RCL1: variants seen among roughly 807,000 people sequenced by gnomAD.
The protein encoded by RCL1 is RNA 3'-terminal phosphate cyclase-like protein.
RCL1 carries 24 observed loss-of-function variants against 42.4 expected under a neutral mutation model. That is an observed-to-expected ratio of 0.57 (90% CI 0.41 to 0.80). RCL1 has a LOEUF of 0.80. RCL1 is among the 30% of genes least tolerant of loss of function. The pLI is 0.00. For synonymous variants in RCL1, 228 were observed against 177.3 expected (o/e 1.29, Z -2.27); for missense variants, 578 against 467.9 (o/e 1.24, Z -2.17).
Position 4,806,341 on chromosome 9 carries a change from G to A in RCL1, c.136+13114G>A, listed in dbSNP as rs570804405. Among the ~76,000 whole-genome samples the A allele has an allele frequency of 6.6e-5, 10 of 152,142 alleles. No individual in the cohort carries two copies. The East Asian group carries it at 1.5e-3, about 24-fold the overall frequency. On this transcript the variant is annotated intron_variant, in intron 1 of 8. Transcript: ENST00000381750. ...TCTTAGGGGGAAAGCATCCCCCTAA[G>A]TATGTTAGCTATATGTTTTATGTAG... is the stretch of plus-strand genomic sequence containing the variant.
At chr9:4,844,826 C>G in intron 7 of RCL1, 145 bp downstream of exon 7, 1 of 747,644 alleles carries the variant, frequency 1.3e-6, no homozygotes, top group South Asian at 2.0e-5. Flanking sequence ...TCAGCCTTAA[C>G]TAGTTTAATT....
intron 1 of RCL1, among the ~76,000 whole-genome samples, chr9:4,795,552 T>G (rs1218257200): frequency 1.3e-5 from 2 of 152,206 alleles, no homozygotes; most frequent in Non-Finnish European, 2.9e-5. Context: ...AAGGGAGTCC[T>G]TGGTAGCTTG....
At chr9:4,854,417 C>T (rs2129735740) in intron 8 of RCL1, among the ~76,000 whole-genome samples, 1 of 152,280 alleles carries the variant, frequency 6.6e-6, no homozygotes, top group East Asian at 1.9e-4. Context: ...GATCTTTTCC[C>T]TCAACTTCCA....
At chr9:4,821,308 A>G (rs1459836587) in intron 1 of RCL1, among the ~76,000 whole-genome samples, 2 of 152,332 alleles carry the variant, frequency 1.3e-5, no homozygotes, top group East Asian at 1.9e-4. Flanking sequence ...ACTTGGGCTC[A>G]GATCCTGGTT....
chr9:4,821,195 G>C (rs1230219906), intron 1 of RCL1, among the ~76,000 whole-genome samples: 1 of 152,138 alleles, frequency 6.6e-6, no homozygotes, highest in Non-Finnish European at 1.5e-5. Context: ...GCCTGAAGCA[G>C]GAGGATCACT....
At chr9:4,845,150 A>AT in intron 7 of RCL1, among the ~76,000 whole-genome samples, 1 of 152,372 alleles carries the variant, frequency 6.6e-6, no homozygotes, top group Non-Finnish European at 1.5e-5. Flanking sequence ...AACAGGCTAG[A>AT]TTTTGCAATG....
At chr9:4,841,189 C>T (rs754022018) in intron 5 of RCL1, 43 bp from the exon 6 acceptor site, 2 of 1,612,376 alleles carry the variant, frequency 1.2e-6, no homozygotes, top group Non-Finnish European at 1.7e-6. Flanking sequence ...TTTTCTCTGT[C>T]CTGGAATTCA....
At chr9:4,793,674 T>A (rs1842869248) in intron 1 of RCL1, among the ~76,000 whole-genome samples, 1 of 152,216 alleles carries the variant, frequency 6.6e-6, no homozygotes, top group African/African-American at 2.4e-5. Flanking sequence ...CTCAAAGCAG[T>A]TCTCAGAAGC....
chr9:4,844,007 A>G lies in RCL1; in HGVS notation c.711-518A>G, dbSNP rs144242448. On this transcript the variant is annotated intron_variant, in intron 6 of 8. Coordinates refer to ENST00000381750, the MANE Select transcript of RCL1 (RefSeq NM_005772.5). ...GTGTTGTTAACCTTCGACTGCATAG[A>G]CAAGCAAATTTTTTTTTTCCTTAAG... Among the ~76,000 whole-genome samples the G allele has an allele frequency of 6.0e-3, 908 of 152,306 alleles. 4 individuals are homozygous for G. Among genetic ancestry groups the G allele is most frequent in the Middle Eastern group, 0.014 (4 of 294 alleles).
At chr9:4,851,507 G>T (rs1817747494) in intron 8 of RCL1, among the ~76,000 whole-genome samples, 1 of 152,244 alleles carries the variant, frequency 6.6e-6, no homozygotes, top group African/African-American at 2.4e-5. Flanking sequence ...GCAAAGGCAG[G>T]ATGCAGCAGG....
intron 8 of RCL1, 111 bp from the exon 9 acceptor site, chr9:4,860,014 C>T (rs1233901534): frequency 1.5e-6 from 1 of 687,250 alleles, no homozygotes; most frequent in Non-Finnish European, 2.3e-6. Context: ...AAGGTCTTAA[C>T]TTCAGCCCTC....
intron 1 of RCL1, among the ~76,000 whole-genome samples, chr9:4,801,164 T>C (rs1002699677): frequency 6.6e-6 from 1 of 152,216 alleles, no homozygotes; most frequent in Admixed American, 6.5e-5. Flanking sequence ...GGATTGTTTG[T>C]ATTAACTGTT....
At chr9:4,826,246 A>G (rs576091317) in intron 2 of RCL1, among the ~76,000 whole-genome samples, 1 of 152,160 alleles carries the variant, frequency 6.6e-6, no homozygotes, top group Non-Finnish European at 1.5e-5. Flanking sequence ...ACCCTGTCTC[A>G]AAACAAAACA....
rs1255852236 is a variant in RCL1 at position 4,844,594 on chromosome 9, C to G, written c.780C>G (p.Ala260=). The G allele has an allele frequency of 6.2e-7, 1 of 1,614,068 alleles. No homozygotes were observed. Among genetic ancestry groups the G allele is most frequent in the Admixed American group, 1.7e-5 (1 of 60,016 alleles). The change falls in exon 7 of 9, where the codon GCC becomes GCG. Residue 260 remains alanine, a synonymous_variant. Transcript: ENST00000381750. ...TSGTFLSAEL[A]SNPQGQGAAV... ...GCACCTTCCTCAGTGCTGAACTGGC[C>G]TCCAACCCCCAGGGCCAGGGAGCAG...
chr9:4,846,420 G>A (rs1485995667), intron 7 of RCL1, among the ~76,000 whole-genome samples: 2 of 152,236 alleles, frequency 1.3e-5, no homozygotes, highest in African/African-American at 4.8e-5. Context: ...TCTGGCCTCA[G>A]ATGTTTTGGT....
At chr9:4,828,013 C>T (rs1398415386) in intron 3 of RCL1, among the ~76,000 whole-genome samples, 5 of 151,878 alleles carry the variant, frequency 3.3e-5, no homozygotes, top group African/African-American at 9.7e-5. Flanking sequence ...AGTGAAACCC[C>T]GTCTCTACTA....
chr9:4,812,149 G>C (rs78633199), intron 1 of RCL1, among the ~76,000 whole-genome samples: 2,060 of 152,172 alleles, frequency 0.014, 49 homozygotes, highest in African/African-American at 0.046. Context: ...CACTCCAATG[G>C]TTTCCTTTGC....
At chr9:4,832,094 C>T (rs538623251) in intron 3 of RCL1, among the ~76,000 whole-genome samples, 5 of 152,270 alleles carry the variant, frequency 3.3e-5, no homozygotes, top group African/African-American at 7.2e-5. Flanking sequence ...TTTGCCAACT[C>T]GTTAGATAAC....
rs1344838079 is a variant in RCL1, at chr9:4,839,595, C to G, written c.585-1637C>G. 1.6e-5 allele frequency: 14 copies of G among 893,970 alleles called. No individual in the cohort carries two copies. The African/African-American group carries it at 2.2e-4, about 14-fold the overall frequency. 55.4% of individuals were successfully genotyped at this position (893,970 alleles called of 1,614,324 possible). ...TGAGATTCAGGACTGTTTGTCTAAG[C>G]TGTCTGTGGTCAAAAGTACATTCTG... On this transcript the variant is annotated intron_variant, in intron 5 of 8. Coordinates refer to ENST00000381750, the MANE Select transcript of RCL1 (RefSeq NM_005772.5).
Sources: gnomAD v4.1 joint callset for allele counts (sites outside exome capture counted in the v4.1 genomes callset) on GRCh38, gnomAD v4.1.1 for gene constraint, MANE v1.5 for transcripts, NCBI Gene and HGNC (gene_info 2026-07-23, HGNC 2026-07-21) for gene names.